The following SEC14L1 variants were observed in gnomAD, a reference collection of about 807,000 sequenced individuals.
SEC14L1 encodes the protein SEC14 like lipid binding 1.
SEC14L1 carries 48 observed loss-of-function variants against 85.3 expected under a neutral mutation model. The ratio of observed to expected loss-of-function variants is 0.56; its 90% CI spans 0.45 to 0.72. The LOEUF is 0.72. Among genes scored for constraint, SEC14L1 ranks in the 30% least tolerant of loss-of-function variants. The pLI is 0.00. For synonymous variants in SEC14L1, 391 were observed against 355.5 expected, an observed-to-expected ratio of 1.10 and a Z score of -1.12; for missense variants, 682 against 921.4, an observed-to-expected ratio of 0.74 and a Z score of 3.36.
chr17:77,208,535 G>C (rs1226380574), intron 13 of SEC14L1, among the ~76,000 whole-genome samples: 1 of 152,124 alleles, frequency 6.6e-6, no homozygotes, highest in African/African-American at 2.4e-5. Flanking sequence ...GCCTTCTAAG[G>C]CTTCTTCACC....
chr17:77,171,190 C>T (rs759306689), intron 3 of SEC14L1, among the ~76,000 whole-genome samples: 79 of 152,236 alleles, frequency 5.2e-4, no homozygotes, highest in South Asian at 1.7e-3. Flanking sequence ...CCATAAACTC[C>T]GAGAGCGGCA....
intron 3 of SEC14L1, among the ~76,000 whole-genome samples, chr17:77,110,562 A>G (rs915946710): frequency 6.6e-6 from 1 of 152,040 alleles, no homozygotes; most frequent in African/African-American, 2.4e-5. Context: ...GAGGTATGAG[A>G]CATCAATCAA....
At chr17:77,143,900 C>T (rs945832928) in intron 3 of SEC14L1, 2 of 365,630 alleles carry the variant, frequency 5.5e-6, no homozygotes, top group African/African-American at 2.1e-5. Context: ...GAAGTTAATT[C>T]TCCCTTTGAA....
chr17:77,209,733 C>T, intron 14 of SEC14L1: 1 of 353,228 alleles, frequency 2.8e-6, no homozygotes, highest in Non-Finnish European at 5.1e-6. Flanking sequence ...CTCCATTTTA[C>T]TAAAGCCACC....
chr17:77,190,359 A>T (rs986935791), intron 3 of SEC14L1, among the ~76,000 whole-genome samples: 2 of 152,186 alleles, frequency 1.3e-5, no homozygotes, highest in African/African-American at 4.8e-5. Context: ...ATTTTGTCCC[A>T]TAGATCTGTA....
rs1252238104 is a variant in SEC14L1, at chr17:77,194,668, G to A, written c.475-9G>A. On this transcript the variant is annotated splice_polypyrimidine_tract_variant and intron_variant, in intron 6 of 16. Transcript: ENST00000436233. ...ATATACTCACCTTTAAATTGGTTTT[G>A]TTTTAAAGGGAAAGGAAATCATCGA... 5 of 1,605,634 alleles carry A rather than the reference G, an allele frequency of 3.1e-6. No individual in the cohort carries two copies. In the Admixed American group the frequency reaches 5.0e-5, roughly 16 times the overall value.
chr17:77,092,951 CAAAAAAAAAAA>C (rs35244244), intron 2 of SEC14L1, among the ~76,000 whole-genome samples: 30 of 84,462 alleles, frequency 3.6e-4, no homozygotes, highest in Admixed American at 2.9e-3. Context: ...AACTCCGTCT[CAAAAAAAAAAA>C]AAAAAAAAAA....
At chr17:77,111,214 T>C (rs1306859712) in intron 3 of SEC14L1, among the ~76,000 whole-genome samples, 1 of 148,914 alleles carries the variant, frequency 6.7e-6, no homozygotes, top group Admixed American at 6.7e-5. Context: ...AAAAAATACA[T>C]GTGTGTGGTC....
intron 9 of SEC14L1, among the ~76,000 whole-genome samples, chr17:77,203,245 T>G (rs1232526148): frequency 6.6e-6 from 1 of 152,212 alleles, no homozygotes; most frequent in African/African-American, 2.4e-5. Context: ...TGGGCAGTTG[T>G]TCAGACTGAG....
At chr17:77,141,475 C>T (rs1209517560) in intron 1 of SEC14L1, 1 of 151,706 alleles carries the variant, frequency 6.6e-6, no homozygotes, top group Admixed American at 6.6e-5. Context: ...GGCTCAGCCG[C>T]GCGGGACCCC....
rs958713468 is a variant in SEC14L1, at chr17:77,214,683, G to A, written c.*660G>A. On this transcript the variant is annotated 3_prime_UTR_variant, in exon 17 of 17. Transcript: ENST00000436233. The stretch of plus-strand genomic sequence containing the variant: ...GGACTCCTGGTGACTCCAGGAAAAT[G>A]CTGCCATCGTTAAACATTACTTTCT... 3 of 985,588 alleles carry A rather than the reference G, an allele frequency of 3.0e-6. No homozygotes were observed. Among genetic ancestry groups the A allele is most frequent in the Non-Finnish European group, 3.6e-6 (3 of 830,018 alleles). The allele number at this position is 985,588 out of a possible 1,614,324, so 61.1% of individuals were successfully genotyped here.
chr17:77,100,393 C>CTTTCT (rs1555613494), intron 3 of SEC14L1, among the ~76,000 whole-genome samples: 3 of 56,062 alleles, frequency 5.4e-5, no homozygotes, highest in East Asian at 6.8e-4. Context: ...CTGGCTTTTT[C>CTTTCT]TTTTTTTTTT....
chr17:77,157,951 A>G (rs1230351032), intron 3 of SEC14L1, among the ~76,000 whole-genome samples: 2 of 151,934 alleles, frequency 1.3e-5, no homozygotes, highest in Non-Finnish European at 2.9e-5. Flanking sequence ...TGTTTGCTTT[A>G]TGTACTTCTC....
intron 9 of SEC14L1, among the ~76,000 whole-genome samples, 173 bp downstream of exon 9, chr17:77,200,846 C>T (rs1051573877): frequency 6.6e-6 from 1 of 152,206 alleles, no homozygotes; most frequent in African/African-American, 2.4e-5. Context: ...CGTGTCACCA[C>T]GGGCACACTC....
chr17:77,177,722 A>G (rs1033632986), intron 3 of SEC14L1, among the ~76,000 whole-genome samples: 2 of 152,170 alleles, frequency 1.3e-5, no homozygotes, highest in South Asian at 2.1e-4. Flanking sequence ...CTAGTGTTTT[A>G]GCAGATGATT....
chr17:77,211,463 G>A (rs77291632), intron 14 of SEC14L1: 25,686 of 159,058 alleles, frequency 0.16, 2,523 homozygotes, highest in Middle Eastern at 0.22. Flanking sequence ...ACCCAGCCTC[G>A]CCACTGTTCT....
At chr17:77,189,745 C>G (rs1975436119) in intron 3 of SEC14L1, among the ~76,000 whole-genome samples, 1 of 152,174 alleles carries the variant, frequency 6.6e-6, no homozygotes, top group Non-Finnish European at 1.5e-5. Flanking sequence ...TCTCCTGCCT[C>G]AGCCTCCTGA....
At position 77,113,570 on chromosome 17, in the gene SEC14L1, C is replaced by G. The variant is rs1011905211; in HGVS notation, c.-136+20223C>G. On this transcript the variant is annotated intron_variant, in intron 3 of 19. Transcript: ENST00000392476. ...ACCAGCCTGGCCAACATGGTGAAACCCTGTCTCTACTAAAAATATAAAAAA... is the reference window on the plus strand; with the variant it reads ...ACCAGCCTGGCCAACATGGTGAAACGCTGTCTCTACTAAAAATATAAAAAA... Among the ~76,000 whole-genome samples the G allele has an allele frequency of 5.3e-5, 8 of 152,150 alleles. 1 individual carries two copies. The highest frequency in any genetic ancestry group is 6.8e-3 in the Middle Eastern group (2 of 294).
At chr17:77,155,483 C>T (rs994836901) in intron 3 of SEC14L1, among the ~76,000 whole-genome samples, 3 of 152,192 alleles carry the variant, frequency 2.0e-5, no homozygotes, top group African/African-American at 7.2e-5. Context: ...TTCCTCACCC[C>T]TCAGTCTTGC....
Sources: gnomAD v4.1 joint callset for allele counts (sites outside exome capture counted in the v4.1 genomes callset) on GRCh38, gnomAD v4.1.1 for gene constraint, MANE v1.5 for transcripts, NCBI Gene and HGNC (gene_info 2026-07-23, HGNC 2026-07-21) for gene names.